HECW1: variants seen among roughly 807,000 people sequenced by gnomAD.
HECW1 encodes the protein HECT, C2 and WW domain containing E3 ubiquitin protein ligase 1.
HECW1 carries 61 observed loss-of-function variants against 182.3 expected under a neutral mutation model. The ratio of observed to expected loss-of-function variants is 0.33; its 90% confidence interval spans 0.27 to 0.41. The LOEUF is 0.41. HECW1 is among the 10% of genes least tolerant of loss of function. HECW1 has a pLI of 1.00. For missense variants in HECW1, 1,739 were observed against 2,108.9 expected (o/e 0.82, Z 3.44); for synonymous variants, 859 against 832.6 (o/e 1.03, Z -0.55).
rs536460956 is a variant in HECW1, at chr7:43,276,608, TG to T, written c.27+32677del. 2.6e-5 allele frequency among the ~76,000 whole-genome samples: 4 copies of T among 152,302 alleles called. No homozygotes were observed. The South Asian group carries it at 8.3e-4, about 32-fold the overall frequency. On this transcript the variant is annotated intron_variant, in intron 3 of 29. Coordinates refer to ENST00000395891, the MANE Select transcript of HECW1 (RefSeq NM_015052.5). ...TAAATTATGCCTAATCCTGATAAAA[TG>T]TGCCTTATTTATTTGATGATACTAT...
intron 3 of HECW1, among the ~76,000 whole-genome samples, chr7:43,297,340 T>G (rs981797361): frequency 6.6e-6 from 1 of 152,260 alleles, no homozygotes; most frequent in African/African-American, 2.4e-5. Flanking sequence ...TTCTAACACT[T>G]CCTAATCAGC....
intron 2 of HECW1, among the ~76,000 whole-genome samples, chr7:43,236,017 C>T (rs575924407): frequency 3.3e-4 from 50 of 152,052 alleles, no homozygotes; most frequent in African/African-American, 1.0e-3. Context: ...AGTGAGACTC[C>T]GTTTCTTTTA....
intron 27 of HECW1, among the ~76,000 whole-genome samples, chr7:43,551,779 A>G (rs559958552): frequency 6.6e-5 from 10 of 152,316 alleles, no homozygotes; most frequent in African/African-American, 2.2e-4. Flanking sequence ...GCTTGCAGCA[A>G]CAGACATTTT....
At chr7:43,442,705 A>G (rs1368267494) in intron 10 of HECW1, 76 bp downstream of exon 10, 1 of 962,758 alleles carries the variant, frequency 1.0e-6, no homozygotes, top group African/African-American at 1.6e-5. Flanking sequence ...AAATACAATA[A>G]CTATGGTTCT....
chr7:43,438,064 C>T lies in HECW1; in HGVS notation c.863C>T (p.Ala288Val). 2 of 1,614,038 alleles carry T rather than the reference C, an allele frequency of 1.2e-6. No individual in the cohort carries two copies. Among genetic ancestry groups the T allele is most frequent in the South Asian group, 1.1e-5 (1 of 91,062 alleles). The change falls in exon 9 of 30, where the codon GCC (alanine) becomes GTC (valine). Residue 288 changes from alanine to valine, a missense_variant. By Grantham distance (64) the Ala-to-Val change is moderately conservative (BLOSUM62 0). Around this residue, in one of 5 missense-constraint regions of HECW1, gnomAD observed 66 missense variants for 113.8 expected, o/e 0.58. Transcript: ENST00000395891. ...GAAATTGAGGTGAAGGACAAGTTTG[C>T]CAAGAGCCGCCCCATCATCAAGCGC... is the stretch of plus-strand genomic sequence containing the variant. ...VLEIEVKDKFAKSRPIIKRFL... is the reference protein window; with the variant it reads ...VLEIEVKDKFVKSRPIIKRFL...
intron 17 of HECW1, among the ~76,000 whole-genome samples, chr7:43,488,387 GAAGGAAGGAAGGAAAT>G (rs1244499104): frequency 4.2e-4 from 23 of 54,216 alleles, no homozygotes; most frequent in African/African-American, 1.4e-3. Context: ...AGGAAGGAAG[GAAGGAAGGAAGGAAAT>G]GAAAGAAAGA....
intron 9 of HECW1, among the ~76,000 whole-genome samples, chr7:43,441,138 A>G (rs1049482517): frequency 6.6e-6 from 1 of 152,170 alleles, no homozygotes. Flanking sequence ...GGGGCAATTT[A>G]CTCTGCTGAA....
intron 12 of HECW1, among the ~76,000 whole-genome samples, chr7:43,452,786 A>C (rs925301537): frequency 6.6e-6 from 1 of 152,220 alleles, no homozygotes; most frequent in African/African-American, 2.4e-5. Context: ...GCAGTTTTAA[A>C]ACAAGTGGTG....
At chr7:43,534,239 C>T (rs1168657240) in intron 24 of HECW1, among the ~76,000 whole-genome samples, 2 of 152,296 alleles carry the variant, frequency 1.3e-5, no homozygotes, top group African/African-American at 4.8e-5. Context: ...CAAACTATCC[C>T]GCTTCCCCTT....
At chr7:43,247,487 T>C (rs772547346) in intron 3 of HECW1, among the ~76,000 whole-genome samples, 14 of 152,020 alleles carry the variant, frequency 9.2e-5, no homozygotes, top group Admixed American at 3.9e-4. Flanking sequence ...CTAATAAAAA[T>C]AAAATTTTAG....
chr7:43,455,712 C>T (rs192365127), intron 12 of HECW1, among the ~76,000 whole-genome samples: 47 of 152,312 alleles, frequency 3.1e-4, no homozygotes, highest in Admixed American at 1.5e-3. Context: ...CACACCATCA[C>T]GGGTGTGATG....
intron 2 of HECW1, among the ~76,000 whole-genome samples, chr7:43,195,000 C>A (rs1036918428): frequency 1.3e-5 from 2 of 152,220 alleles, no homozygotes; most frequent in South Asian, 4.1e-4. Context: ...TCATCTCAGG[C>A]AGGTCAGGTG....
At chr7:43,365,124 T>A (rs1478255089) in intron 6 of HECW1, among the ~76,000 whole-genome samples, 2 of 152,184 alleles carry the variant, frequency 1.3e-5, no homozygotes, top group South Asian at 4.1e-4. Flanking sequence ...GCCGGCATCA[T>A]CTGTAGGGGC....
chr7:43,167,704 C>A (rs1791265442), intron 2 of HECW1, among the ~76,000 whole-genome samples: 1 of 152,196 alleles, frequency 6.6e-6, no homozygotes. Context: ...AATTTGCTTT[C>A]CACCCATGTA....
rs186364613 is a variant in HECW1, at chr7:43,349,804, C to T, written c.461-11082C>T. Among the ~76,000 whole-genome samples, 312 of 152,252 alleles carry T rather than the reference C, an allele frequency of 2.0e-3. 1 individual carries two copies. The highest frequency in any genetic ancestry group is 7.1e-3 in the African/African-American group (293 of 41,548). On this transcript the variant is annotated intron_variant, in intron 5 of 29. Transcript: ENST00000395891. ...GTTGGTTGGTGAGTTATCCATTCTGCGGTTCTGTATCTTTTAAGTGGGGAA... is the reference window on the plus strand; with the variant it reads ...GTTGGTTGGTGAGTTATCCATTCTGTGGTTCTGTATCTTTTAAGTGGGGAA...
chr7:43,265,692 C>G (rs1801703445), intron 3 of HECW1, among the ~76,000 whole-genome samples: 2 of 152,194 alleles, frequency 1.3e-5, no homozygotes, highest in South Asian at 4.1e-4. Flanking sequence ...GGCACTCACT[C>G]CTGGAGTTAG....
chr7:43,411,096 C>T (rs1267618194), intron 8 of HECW1, among the ~76,000 whole-genome samples: 3 of 148,342 alleles, frequency 2.0e-5, no homozygotes, highest in Non-Finnish European at 4.5e-5. Context: ...TGCTTTTAGA[C>T]TTACATTTAT....
chr7:43,253,145 A>G (rs1312473260), intron 3 of HECW1, among the ~76,000 whole-genome samples: 1 of 151,434 alleles, frequency 6.6e-6, no homozygotes, highest in African/African-American at 2.4e-5. Context: ...AAAAAAAAAA[A>G]TCCTGGTCAT....
chr7:43,194,618 A>G (rs1583908128), intron 2 of HECW1: 1 of 152,316 alleles, frequency 6.6e-6, no homozygotes, highest in East Asian at 1.9e-4. Context: ...CCTTTCTCTG[A>G]AATCCTTTAA....
Sources: allele counts gnomAD v4.1 joint callset (sites outside exome capture counted in the v4.1 genomes callset), GRCh38; gene constraint gnomAD v4.1.1; regional missense constraint gnomAD v4.1.1; transcripts MANE v1.5; gene names NCBI Gene and HGNC (gene_info 2026-07-23, HGNC 2026-07-21).